C1QTNF5: variants seen among roughly 807,000 people sequenced by gnomAD.
The protein encoded by C1QTNF5 is C1q and TNF related 5.
A neutral mutation model predicts 10.9 loss-of-function variants in C1QTNF5; 5 were observed. That is an observed-to-expected ratio of 0.46 (90% confidence interval 0.24 to 0.97). The LOEUF (loss-of-function observed/expected upper bound fraction) is 0.97, where lower values mean the gene tolerates loss of function less well. Among genes scored for constraint, C1QTNF5 ranks in the 50% least tolerant of loss-of-function variants. The probability of loss-of-function intolerance (pLI) is 0.19; values close to 1 mark genes in which losing one functional copy is unlikely to be tolerated. For synonymous variants in C1QTNF5, 161 were observed against 156.5 expected (o/e 1.03, Z -0.22); for missense variants, 281 against 339.4 (o/e 0.83, Z 1.35).
At chr11:119,344,605 G>C, upstream of C1QTNF5, 1 of 1,613,870 alleles carries the variant, frequency 6.2e-7, no homozygotes, top group Non-Finnish European at 8.5e-7. Flanking sequence ...GACGCCTGAA[G>C]AGAGGACCCC....
chr11:119,340,812 AC>A lies in C1QTNF5; in HGVS notation c.-162del. 8.6e-6 allele frequency: 2 copies of A among 231,914 alleles called. No individual in the cohort carries two copies. The highest frequency in any genetic ancestry group is 1.7e-5 in the Non-Finnish European group (2 of 119,018). 14.4% of individuals were successfully genotyped at this position (231,914 alleles called of 1,614,324 possible). ...GCCAGGCGCCCCCTGCCCTGCCGTC[AC>A]CCCAGTCCTGGTTCGCTCCCTGCCG... On this transcript the variant is annotated 5_prime_UTR_variant, in exon 1 of 3. Transcript: ENST00000528368.
chr11:119,339,891 C>G lies in C1QTNF5; in HGVS notation c.215-43G>C. 1 of 1,434,158 alleles carries G rather than the reference C, an allele frequency of 7.0e-7. No individual in the cohort carries two copies. The highest frequency in any genetic ancestry group is 9.1e-7 in the Non-Finnish European group (1 of 1,101,698). The allele number at this position is 1,434,158 out of a possible 1,614,324, so 88.8% of individuals were successfully genotyped here. On this transcript the variant is annotated intron_variant, in intron 2 of 2. Transcript: ENST00000528368. The surrounding 1 kb of genome is among the most constrained non-coding windows in gnomAD (Gnocchi z 5.4). ...CGGCAGGGTGAGAGTAGCGGCGGCT[C>G]AGCCCGCAGCGGGGCGGCGACTCTA...
upstream of C1QTNF5, chr11:119,343,883 C>A (rs563717527): frequency 1.9e-6 from 3 of 1,613,942 alleles, no homozygotes; most frequent in Non-Finnish European, 2.5e-6. Context: ...AACTTGCACT[C>A]GTCCTGAGCC....
chr11:119,345,833 G>A (rs2135373914), upstream of C1QTNF5: 1 of 1,613,964 alleles, frequency 6.2e-7, no homozygotes, highest in Non-Finnish European at 8.5e-7. Context: ...CCAGCTGCCT[G>A]AGAGGTGGTG....
chr11:119,342,637 C>A (rs377135056), upstream of C1QTNF5: 1 of 1,613,508 alleles, frequency 6.2e-7, no homozygotes, highest in African/African-American at 1.3e-5. Context: ...GTCATCGCTG[C>A]CATCGGTGCA....
upstream of C1QTNF5, chr11:119,345,702 C>T: frequency 6.2e-7 from 1 of 1,612,430 alleles, no homozygotes; most frequent in South Asian, 1.1e-5. Flanking sequence ...GGTGCCTCTT[C>T]CTCACCCTCC....
chr11:119,341,182 G>A, upstream of C1QTNF5: 1 of 301,540 alleles, frequency 3.3e-6, no homozygotes, highest in Admixed American at 4.7e-5. Flanking sequence ...TAGGACAGGG[G>A]CCTGCCACAT....
chr11:119,339,961 G>A lies in C1QTNF5; in HGVS notation c.215-113C>T, dbSNP rs1447782517. 8 of 1,355,508 alleles carry A rather than the reference G, an allele frequency of 5.9e-6. No individual in the cohort carries two copies. The highest frequency in any genetic ancestry group is 4.6e-5 in the African/African-American group (3 of 65,380). The allele number at this position is 1,355,508 out of a possible 1,614,324, so 84.0% of individuals were successfully genotyped here. ...CGCCCCTGCCTGAGCTTCGGCCAGC[G>A]CCTCCTCCCGCACGGGTACCTCCTC... On this transcript the variant is annotated intron_variant, in intron 2 of 2. Transcript: ENST00000528368. The surrounding 1 kb of genome is among the most constrained non-coding windows in gnomAD (Gnocchi z 5.4).
chr11:119,339,235 A>C lies in C1QTNF5; in HGVS notation c.*96T>G. The C allele has an allele frequency of 3.6e-6, 5 of 1,402,704 alleles. No individual in the cohort carries two copies. The highest frequency in any genetic ancestry group is 4.9e-6 in the Non-Finnish European group (5 of 1,024,544). 86.9% of individuals were successfully genotyped at this position (1,402,704 alleles called of 1,614,324 possible). On this transcript the variant is annotated 3_prime_UTR_variant, in exon 3 of 3. Transcript: ENST00000528368. This position sits in a 1 kb window ranked among gnomAD's most constrained non-coding sequence, Gnocchi z 5.4. ...CTACCCCACCTCCCTAGTCATTCAC[A>C]ATATTCCAGGGGGGCCAGCCCTCCT... is the stretch of plus-strand genomic sequence containing the variant.
upstream of C1QTNF5, chr11:119,342,655 C>A (rs766037107): frequency 7.4e-6 from 12 of 1,613,728 alleles, no homozygotes; most frequent in South Asian, 9.9e-5. Context: ...GCAGTCTCTC[C>A]ACATGTCACA....
In C1QTNF5 at chr11:119,339,986, C is replaced by T. The variant is rs564545298; in HGVS notation, c.215-138G>A. 2 of 1,306,134 alleles carry T rather than the reference C, an allele frequency of 1.5e-6. No individual in the cohort carries two copies. Among genetic ancestry groups the T allele is most frequent in the South Asian group, 3.2e-5 (2 of 62,562 alleles). The allele number at this position is 1,306,134 out of a possible 1,614,324, so 80.9% of individuals were successfully genotyped here. Reference sequence around the variant, plus strand: ...GCCTCCTCCCGCACGGGTACCTCCTCCACCCCTTCCCGCAGGGCAGATCTG... The same window carrying T: ...GCCTCCTCCCGCACGGGTACCTCCTTCACCCCTTCCCGCAGGGCAGATCTG... On this transcript the variant is annotated intron_variant, in intron 2 of 2. Coordinates refer to ENST00000528368, the MANE Select transcript of C1QTNF5 (RefSeq NM_001278431.2). This position sits in a 1 kb window ranked among gnomAD's most constrained non-coding sequence, Gnocchi z 5.4.
Position 119,339,981 on chromosome 11 carries a change from C to T in C1QTNF5, c.215-133G>A. 2 of 1,312,234 alleles carry T rather than the reference C, an allele frequency of 1.5e-6. No individual in the cohort carries two copies. Among genetic ancestry groups the T allele is most frequent in the South Asian group, 1.6e-5 (1 of 62,636 alleles). The allele number at this position is 1,312,234 out of a possible 1,614,324, so 81.3% of individuals were successfully genotyped here. A position where few individuals can be genotyped will look rare whatever the true frequency, so the allele number is the denominator to read the frequency against. ...CCAGCGCCTCCTCCCGCACGGGTAC[C>T]TCCTCCACCCCTTCCCGCAGGGCAG... On this transcript the variant is annotated intron_variant, in intron 2 of 2. Coordinates refer to ENST00000528368, the MANE Select transcript of C1QTNF5 (RefSeq NM_001278431.2). This position sits in a 1 kb window ranked among gnomAD's most constrained non-coding sequence, Gnocchi z 5.4.
At position 119,339,976 on chromosome 11, in the gene C1QTNF5, G is replaced by A; in HGVS notation, c.215-128C>T. 7.5e-7 allele frequency: 1 copy of A among 1,329,116 alleles called. No homozygotes were observed. Among genetic ancestry groups the A allele is most frequent in the Non-Finnish European group, 9.8e-7 (1 of 1,015,708 alleles). 82.3% of individuals were successfully genotyped at this position (1,329,116 alleles called of 1,614,324 possible). On this transcript the variant is annotated intron_variant, in intron 2 of 2. Coordinates refer to ENST00000528368, the MANE Select transcript of C1QTNF5 (RefSeq NM_001278431.2). This position sits in a 1 kb window ranked among gnomAD's most constrained non-coding sequence, Gnocchi z 5.4. ...TTCGGCCAGCGCCTCCTCCCGCACG[G>A]GTACCTCCTCCACCCCTTCCCGCAG...
upstream of C1QTNF5, among the ~76,000 whole-genome samples, chr11:119,342,395 T>C (rs140928676): frequency 6.6e-6 from 1 of 152,304 alleles, no homozygotes; most frequent in Non-Finnish European, 1.5e-5. Context: ...CCCATTTCCC[T>C]TGGGGTGACA....
In C1QTNF5 at chr11:119,340,172, G is replaced by C. The variant is rs1950486894; in HGVS notation, c.214+12C>G. The C allele has an allele frequency of 2.0e-6, 3 of 1,510,552 alleles. No individual in the cohort carries two copies. The Admixed American group carries it at 6.5e-5, about 33-fold the overall frequency. The allele number at this position is 1,510,552 out of a possible 1,614,324, so 93.6% of individuals were successfully genotyped here. ...GACATCGCCACCGATAGCCGCGGCGGTGCCTTCTTACCCGGCCTCCCGCCC... is the reference window on the plus strand; with the variant it reads ...GACATCGCCACCGATAGCCGCGGCGCTGCCTTCTTACCCGGCCTCCCGCCC... On this transcript the variant is annotated intron_variant, in intron 2 of 2. Transcript: ENST00000528368.
upstream of C1QTNF5, chr11:119,345,560 G>T (rs1950555139): frequency 6.2e-7 from 1 of 1,614,062 alleles, no homozygotes; most frequent in Admixed American, 1.7e-5. Flanking sequence ...CGCAGTGGGT[G>T]TTGGGGGGGT....
chr11:119,345,733 C>A, upstream of C1QTNF5: 1 of 1,613,254 alleles, frequency 6.2e-7, no homozygotes, highest in Non-Finnish European at 8.5e-7. Flanking sequence ...ACCCCGTCAT[C>A]TTGGGCCCTT....
At position 119,339,068 on chromosome 11, in the gene C1QTNF5, G is replaced by A; in HGVS notation, c.*263C>T. The A allele has an allele frequency of 2.2e-6, 1 of 463,910 alleles. No individual in the cohort carries two copies. The highest frequency in any genetic ancestry group is 3.8e-6 in the Non-Finnish European group (1 of 260,536). 28.7% of individuals were successfully genotyped at this position (463,910 alleles called of 1,614,324 possible). On this transcript the variant is annotated 3_prime_UTR_variant, in exon 3 of 3. Coordinates refer to ENST00000528368, the MANE Select transcript of C1QTNF5 (RefSeq NM_001278431.2). The surrounding 1 kb of genome is among the most constrained non-coding windows in gnomAD (Gnocchi z 5.4). ...CACCCCACCGTGGGCTCCTGGACCA[G>A]AGCAACTGGGGGACTTACACTTGCC... is the stretch of plus-strand genomic sequence containing the variant.
chr11:119,340,499 C>G (rs965120899), intron 1 of C1QTNF5, 59 bp from the exon 2 acceptor site: 5 of 1,300,892 alleles, frequency 3.8e-6, no homozygotes, highest in Non-Finnish European at 5.3e-6. Context: ...CCTCTCTCCC[C>G]ACCCCGGCGC....
Sources: gnomAD v4.1 joint callset for allele counts (sites outside exome capture counted in the v4.1 genomes callset) on GRCh38, gnomAD v4.1.1 for gene constraint, Gnocchi (gnomAD v3.1) non-coding constraint, MANE v1.5 for transcripts, NCBI Gene and HGNC (gene_info 2026-07-23, HGNC 2026-07-21) for gene names.